The following RASAL2 variants were observed in gnomAD, a reference collection of about 807,000 sequenced individuals.
RASAL2 encodes the protein RAS protein activator like 2.
A neutral mutation model predicts 128.9 loss-of-function variants in RASAL2; 58 were observed. The observed-to-expected ratio is 0.45, with a 90% CI of 0.36 to 0.56. The LOEUF is 0.56. RASAL2 is among the 20% of genes least tolerant of loss of function. The pLI is 0.00. For missense variants in RASAL2, 1,360 were observed against 1,601.6 expected, an observed-to-expected ratio of 0.85 and a Z score of 2.57; for synonymous variants, 561 against 580.8, an observed-to-expected ratio of 0.97 and a Z score of 0.49.
At chr1:178,413,137 T>C (rs1674522225) in intron 4 of RASAL2, among the ~76,000 whole-genome samples, 1 of 152,072 alleles carries the variant, frequency 6.6e-6, no homozygotes, top group Admixed American at 6.6e-5. Flanking sequence ...TTTTTGTATG[T>C]TTTGTAGAGA....
intron 3 of RASAL2, among the ~76,000 whole-genome samples, chr1:178,358,928 C>G (rs1310058172): frequency 6.6e-6 from 1 of 152,158 alleles, no homozygotes; most frequent in Non-Finnish European, 1.5e-5. Flanking sequence ...CCAACCGCAA[C>G]TCTTAATCTA....
chr1:178,106,220 A>T (rs1312034995), intron 1 of RASAL2, among the ~76,000 whole-genome samples: 3 of 152,168 alleles, frequency 2.0e-5, no homozygotes, highest in Non-Finnish European at 4.4e-5. Context: ...GATAGCATGT[A>T]CACTATCTCC....
intron 2 of RASAL2, among the ~76,000 whole-genome samples, chr1:178,298,982 G>A (rs1171496644): frequency 6.6e-6 from 1 of 150,852 alleles, no homozygotes; most frequent in East Asian, 1.9e-4. Context: ...TTGATAACCT[G>A]CTTTGTAAGT....
chr1:178,342,794 GC>G (rs1468568419), intron 3 of RASAL2, among the ~76,000 whole-genome samples: 9 of 152,214 alleles, frequency 5.9e-5, no homozygotes, highest in African/African-American at 2.2e-4. Flanking sequence ...AAATTATCCA[GC>G]TATTTTGACC....
At chr1:178,368,192 G>A in intron 3 of RASAL2, among the ~76,000 whole-genome samples, 1 of 152,154 alleles carries the variant, frequency 6.6e-6, no homozygotes, top group East Asian at 1.9e-4. Flanking sequence ...TCATGACCAA[G>A]CCTTCAGAAG....
chr1:178,180,485 CAAAAAAA>C (rs71108033), intron 1 of RASAL2, among the ~76,000 whole-genome samples: 5 of 72,562 alleles, frequency 6.9e-5, no homozygotes, highest in Non-Finnish European at 1.0e-4. Context: ...TCATCTCTAC[CAAAAAAA>C]AAAAAAAAAA....
intron 1 of RASAL2, among the ~76,000 whole-genome samples, chr1:178,253,756 T>G (rs372330064): frequency 6.6e-6 from 1 of 152,274 alleles, no homozygotes; most frequent in East Asian, 1.9e-4. Flanking sequence ...CAAGGTAATG[T>G]CATCAGTTAA....
At chr1:178,371,322 C>CCCCACA (rs796822835) in intron 3 of RASAL2, among the ~76,000 whole-genome samples, 2 of 124,476 alleles carry the variant, frequency 1.6e-5, no homozygotes, top group Admixed American at 8.6e-5. Flanking sequence ...GCCTTCTTTC[C>CCCCACA]CACACACACA....
chr1:178,451,641 T>G lies in RASAL2; in HGVS notation c.1698T>G (p.Ser566Arg). 6.2e-7 allele frequency: 1 copy of G among 1,613,938 alleles called. No individual in the cohort carries two copies. The highest frequency in any genetic ancestry group is 8.5e-7 in the Non-Finnish European group (1 of 1,179,836). Residue 566 changes from serine to arginine, a missense_variant, in exon 10 of 18, where the codon AGT becomes AGG. By Grantham distance (110) the Ser-to-Arg change is moderately radical (BLOSUM62 -1). Coordinates refer to ENST00000367649, the MANE Select transcript of RASAL2 (RefSeq NM_170692.4). ...CEVDPSKCSS[S>R]ELIDHQSNLK... ...TGGATCCCAGCAAATGTTCATCTAGTGAACTGATAGACCATCAGAGCAACC... is the reference window on the plus strand; with the variant it reads ...TGGATCCCAGCAAATGTTCATCTAGGGAACTGATAGACCATCAGAGCAACC...
chr1:178,233,624 T>A (rs1664103419), intron 1 of RASAL2, among the ~76,000 whole-genome samples: 1 of 152,212 alleles, frequency 6.6e-6, no homozygotes, highest in African/African-American at 2.4e-5. Flanking sequence ...CCTCTGCTGA[T>A]GAGGTCCTTG....
In RASAL2 at chr1:178,475,291, T is replaced by G. The variant is rs1648591993; in HGVS notation, c.*2052T>G. On this transcript the variant is annotated 3_prime_UTR_variant, in exon 18 of 18. Transcript: ENST00000367649. ...ACTTTTACGTTTTCTTCACCTTTGG[T>G]TTTGGTTTGCAAATTCTTACACCTT... 1 of 152,206 alleles carries G rather than the reference T, an allele frequency of 6.6e-6. No homozygotes were observed. The highest frequency in any genetic ancestry group is 6.5e-5 in the Admixed American group (1 of 15,280). The allele number at this position is 152,206 out of a possible 1,614,324, so 9.4% of individuals were successfully genotyped here.
chr1:178,352,886 C>G (rs980917995), intron 3 of RASAL2, among the ~76,000 whole-genome samples: 9 of 152,218 alleles, frequency 5.9e-5, no homozygotes, highest in African/African-American at 2.2e-4. Flanking sequence ...TACCTGGGTC[C>G]CTTTGAGCCA....
At position 178,094,582 on chromosome 1, in the gene RASAL2, C is replaced by T. The variant is rs770096480; in HGVS notation, c.90C>T (p.Pro30=). Residue 30 remains proline (P), a synonymous_variant, in exon 1 of 18, where the codon CCC becomes CCT. Transcript: ENST00000367649. ...FPALESDSPL[P]PEDLDAVVPV... ...CGCTGGAGTCCGACTCGCCGCTGCC[C>T]CCGGAGGACCTGGACGCGGTTGTCC... 2.8e-5 allele frequency: 45 copies of T among 1,607,984 alleles called. No homozygotes were observed. Among genetic ancestry groups the T allele is most frequent in the Non-Finnish European group, 3.7e-5 (44 of 1,177,494 alleles).
At chr1:178,323,604 T>C (rs1173556142) in intron 3 of RASAL2, among the ~76,000 whole-genome samples, 2 of 152,226 alleles carry the variant, frequency 1.3e-5, no homozygotes, top group Non-Finnish European at 2.9e-5. Flanking sequence ...TACTTGGTTG[T>C]GAATGTCAGG....
chr1:178,395,929 C>T (rs1673196756), intron 4 of RASAL2, among the ~76,000 whole-genome samples: 1 of 151,268 alleles, frequency 6.6e-6, no homozygotes, highest in African/African-American at 2.4e-5. Context: ...TTAACTATAT[C>T]TTTAAGTCAT....
chr1:178,458,583 T>G, intron 14 of RASAL2, 39 bp downstream of exon 14: 3 of 1,532,348 alleles, frequency 2.0e-6, no homozygotes, highest in South Asian at 1.3e-5. Context: ...TTCTACTTGG[T>G]CCATCTGTTT....
intron 3 of RASAL2, among the ~76,000 whole-genome samples, chr1:178,311,134 A>G (rs1461326731): frequency 6.6e-6 from 1 of 152,094 alleles, no homozygotes; most frequent in East Asian, 1.9e-4. Flanking sequence ...GAACACAAGC[A>G]TCTAATTATA....
chr1:178,400,377 T>C (rs1411020749), intron 4 of RASAL2, among the ~76,000 whole-genome samples: 1 of 152,182 alleles, frequency 6.6e-6, no homozygotes, highest in Non-Finnish European at 1.5e-5. Flanking sequence ...TCTCATCCAT[T>C]AAGACTCAAT....
At chr1:178,291,584 C>T (rs1667281818) in intron 2 of RASAL2, among the ~76,000 whole-genome samples, 1 of 152,170 alleles carries the variant, frequency 6.6e-6, no homozygotes, top group African/African-American at 2.4e-5. Flanking sequence ...AATTAAATCT[C>T]TAGGAAAAGA....
Sources: allele counts gnomAD v4.1 joint callset (sites outside exome capture counted in the v4.1 genomes callset), GRCh38; gene constraint gnomAD v4.1.1; transcripts MANE v1.5; gene names NCBI Gene and HGNC (gene_info 2026-07-23, HGNC 2026-07-21).